Variants in GPD2 observed in about 807,000 individuals in gnomAD.
GPD2 encodes the protein glycerol-3-phosphate dehydrogenase, mitochondrial.
Under a neutral mutation model 82.4 loss-of-function variants are expected in GPD2, and 54 were observed. The ratio of observed to expected loss-of-function variants is 0.66; its 90% CI spans 0.53 to 0.82. The LOEUF is 0.82. Among genes scored for constraint, GPD2 ranks in the 40% least tolerant of loss-of-function variants. The pLI is 0.00. For missense variants in GPD2, 748 were observed against 896.2 expected, an observed-to-expected ratio of 0.83 and a Z score of 2.11; for synonymous variants, 288 against 306.1, an observed-to-expected ratio of 0.94 and a Z score of 0.62.
intron 6 of GPD2, among the ~76,000 whole-genome samples, chr2:156,534,649 A>T (rs1685994550): frequency 1.3e-5 from 2 of 152,230 alleles, no homozygotes; most frequent in South Asian, 4.1e-4. Context: ...AAGAATCTGT[A>T]GGTTTATAGC....
At chr2:156,498,837 A>G (rs1230342334) in intron 3 of GPD2, among the ~76,000 whole-genome samples, 3 of 152,152 alleles carry the variant, frequency 2.0e-5, no homozygotes, top group Non-Finnish European at 4.4e-5. Context: ...TCTTTTTATA[A>G]AGATAAGAGT....
chr2:156,559,401 A>ATT (rs1340244482), intron 9 of GPD2, among the ~76,000 whole-genome samples: 1 of 152,194 alleles, frequency 6.6e-6, no homozygotes, highest in Non-Finnish European at 1.5e-5. Context: ...CAAGTTTACG[A>ATT]TTAAAAATAA....
intron 13 of GPD2, among the ~76,000 whole-genome samples, chr2:156,578,425 G>A (rs755597345): frequency 2.6e-5 from 4 of 151,072 alleles, no homozygotes; most frequent in East Asian, 1.9e-4. Flanking sequence ...AGATTTTGTC[G>A]GTCAGTTTCT....
chr2:156,523,589 G>C (rs1685493678), intron 6 of GPD2, among the ~76,000 whole-genome samples: 1 of 151,910 alleles, frequency 6.6e-6, no homozygotes, highest in South Asian at 2.1e-4. Context: ...TTTATCCATG[G>C]ATATTTAGTC....
At chr2:156,531,180 C>T (rs1235405161) in intron 6 of GPD2, among the ~76,000 whole-genome samples, 1 of 152,128 alleles carries the variant, frequency 6.6e-6, no homozygotes, top group East Asian at 1.9e-4. Context: ...CTTCTCTTCT[C>T]CCCATCCCAT....
At chr2:156,558,765 CTTTTT>C (rs34524248) in intron 9 of GPD2, among the ~76,000 whole-genome samples, 26 of 40,878 alleles carry the variant, frequency 6.4e-4, no homozygotes, top group Non-Finnish European at 9.5e-4. Context: ...GCCCAGCTAA[CTTTTT>C]TTTTTTTTTT....
intron 1 of GPD2, among the ~76,000 whole-genome samples, chr2:156,451,737 C>T (rs1440240969): frequency 4.8e-5 from 7 of 147,212 alleles, no homozygotes; most frequent in Non-Finnish European, 7.5e-5. Context: ...GCTGGCCGGG[C>T]GGGGGGCTGA....
At chr2:156,516,114 A>G (rs1047111006) in intron 6 of GPD2, among the ~76,000 whole-genome samples, 14 of 152,246 alleles carry the variant, frequency 9.2e-5, no homozygotes, top group Non-Finnish European at 1.6e-4. Context: ...AAATATTTCA[A>G]TGTGAACTTT....
intron 1 of GPD2, among the ~76,000 whole-genome samples, chr2:156,442,044 T>C (rs902201231): frequency 2.6e-5 from 4 of 152,300 alleles, no homozygotes; most frequent in African/African-American, 7.2e-5. Context: ...AATGATTGTT[T>C]GATTTAGATT....
intron 8 of GPD2, among the ~76,000 whole-genome samples, chr2:156,553,496 AAAAT>A (rs1421407866): frequency 3.9e-5 from 6 of 152,302 alleles, no homozygotes; most frequent in South Asian, 2.1e-4. Context: ...CCTGTAGACA[AAAAT>A]AAATAAATAA....
chr2:156,582,345 TA>T (rs1290796935), intron 16 of GPD2, among the ~76,000 whole-genome samples: 1 of 151,898 alleles, frequency 6.6e-6, no homozygotes, highest in Non-Finnish European at 1.5e-5. Flanking sequence ...AATTTGGATT[TA>T]GGGGACTCGA....
intron 6 of GPD2, among the ~76,000 whole-genome samples, chr2:156,545,006 T>G (rs556843751): frequency 6.6e-6 from 1 of 152,376 alleles, no homozygotes; most frequent in African/African-American, 2.4e-5. Flanking sequence ...GAGTGGGTTC[T>G]TATTTTGAGT....
At chr2:156,551,964 G>A (rs1686775596) in intron 8 of GPD2, among the ~76,000 whole-genome samples, 1 of 152,156 alleles carries the variant, frequency 6.6e-6, no homozygotes, top group African/African-American at 2.4e-5. Context: ...TAAAGTGGAT[G>A]TGTAGAACCT....
intron 13 of GPD2, among the ~76,000 whole-genome samples, chr2:156,573,881 A>G (rs1399743459): frequency 6.6e-6 from 1 of 152,142 alleles, no homozygotes; most frequent in African/African-American, 2.4e-5. Flanking sequence ...TGCAAAAGTG[A>G]AAGAGGAACA....
intron 6 of GPD2, among the ~76,000 whole-genome samples, chr2:156,541,836 T>TTTG (rs1358990253): frequency 6.9e-6 from 1 of 145,686 alleles, no homozygotes; most frequent in African/African-American, 2.5e-5. Flanking sequence ...TTTTTTTTTT[T>TTTG]TTTTTTTTTT....
chr2:156,411,139 T>C, the GPD2 span, among the ~76,000 whole-genome samples: 1 of 152,062 alleles, frequency 6.6e-6, no homozygotes, highest in Non-Finnish European at 1.5e-5. Flanking sequence ...AGTTAACAGA[T>C]GAAAAAACAA....
At chr2:156,444,720 TACAC>T (rs397789170) in intron 1 of GPD2, among the ~76,000 whole-genome samples, 4 of 150,196 alleles carry the variant, frequency 2.7e-5, no homozygotes, top group African/African-American at 9.8e-5. Flanking sequence ...CAAAAACAAA[TACAC>T]ACACACACAC....
chr2:156,527,108 G>A (rs1026580769), intron 6 of GPD2, among the ~76,000 whole-genome samples: 5 of 152,078 alleles, frequency 3.3e-5, no homozygotes, highest in African/African-American at 1.2e-4. Context: ...TTATTCTGCA[G>A]ATGACACACA....
chr2:156,535,521 A>T (rs1325408526), intron 6 of GPD2, among the ~76,000 whole-genome samples: 1 of 151,118 alleles, frequency 6.6e-6, no homozygotes, highest in Non-Finnish European at 1.5e-5. Context: ...TGCTTGCTTT[A>T]ATTTCTTGGA....
Sources: allele counts gnomAD v4.1 joint callset (sites outside exome capture counted in the v4.1 genomes callset), GRCh38; gene constraint gnomAD v4.1.1; transcripts MANE v1.5; gene names NCBI Gene and HGNC (gene_info 2026-07-23, HGNC 2026-07-21).